Variants in ATXN1 observed in about 807,000 individuals in gnomAD.
ATXN1 encodes ataxin 1.
ATXN1 carries 8 observed loss-of-function variants against 56.4 expected under a neutral mutation model. That is an observed-to-expected ratio of 0.14 (90% CI 0.08 to 0.26). The LOEUF is 0.26. ATXN1 is among the 10% of genes least tolerant of loss of function. The probability of loss-of-function intolerance (pLI) is 1.00; values close to 1 mark genes in which losing one functional copy is unlikely to be tolerated. For missense variants in ATXN1, 987 were observed against 1,106.5 expected (o/e 0.89, Z 1.53); for synonymous variants, 514 against 494.6 (o/e 1.04, Z -0.52).
intron 6 of ATXN1, among the ~76,000 whole-genome samples, chr6:16,377,911 A>G (rs746093844): frequency 5.3e-5 from 8 of 152,256 alleles, no homozygotes; most frequent in Non-Finnish European, 1.0e-4. Flanking sequence ...GTTAGAACAG[A>G]GCATCATCAC....
At position 16,301,781 on chromosome 6, in the gene ATXN1, C is replaced by G. The variant is rs764385150; in HGVS notation, c.*4548G>C. ...AGTAGCCATGACAACCAACACAGCT[C>G]AAGAAGCCCGGCCTTCGGTACCGAG... On this transcript the variant is annotated 3_prime_UTR_variant, in exon 8 of 8. Transcript: ENST00000436367. 5 of 152,648 alleles carry G rather than the reference C, an allele frequency of 3.3e-5. No individual in the cohort carries two copies. The highest frequency in any genetic ancestry group is 7.3e-5 in the Non-Finnish European group (5 of 68,050). 9.5% of individuals were successfully genotyped at this position (152,648 alleles called of 1,614,324 possible). A position where few individuals can be genotyped will look rare whatever the true frequency, so the allele number is the denominator to read the frequency against.
In ATXN1 at chr6:16,506,999, C is replaced by T. The variant is rs768841104; in HGVS notation, c.-299+15628G>A. Among the ~76,000 whole-genome samples, 2 of 152,102 alleles carry T rather than the reference C, an allele frequency of 1.3e-5. No homozygotes were observed. The highest frequency in any genetic ancestry group is 2.4e-5 in the African/African-American group (1 of 41,420). The stretch of plus-strand genomic sequence containing the variant: ...GGTGACCAAAATACATATACTCCTC[C>T]GTGTTATATATTAAGGCTGCTTTTT... On this transcript the variant is annotated intron_variant, in intron 5 of 7. Coordinates refer to ENST00000436367, the MANE Select transcript of ATXN1 (RefSeq NM_001128164.2). The surrounding 1 kb of genome is among the most constrained non-coding windows in gnomAD (Gnocchi z 4.1).
chr6:16,654,309 G>A (rs9358102), intron 3 of ATXN1, among the ~76,000 whole-genome samples: 8,611 of 152,162 alleles, frequency 0.057, 291 homozygotes, highest in East Asian at 0.13. Flanking sequence ...ACTTTGGAAG[G>A]CCAAGGCAGA....
At chr6:16,676,732 C>T (rs1327607514) in intron 2 of ATXN1, among the ~76,000 whole-genome samples, 1 of 152,182 alleles carries the variant, frequency 6.6e-6, no homozygotes, top group Non-Finnish European at 1.5e-5. Flanking sequence ...CGGTTATGGA[C>T]TGCTTGTTGT....
intron 5 of ATXN1, among the ~76,000 whole-genome samples, chr6:16,490,179 C>T (rs1760633231): frequency 6.6e-6 from 1 of 150,712 alleles, no homozygotes; most frequent in South Asian, 2.1e-4. Flanking sequence ...AAAAACTTCA[C>T]ACACTATATT....
At chr6:16,330,464 G>C (rs560834832) in intron 6 of ATXN1, among the ~76,000 whole-genome samples, 29 of 134,220 alleles carry the variant, frequency 2.2e-4, no homozygotes, top group Non-Finnish European at 3.1e-5. Context: ...ATCTCGGCTT[G>C]CTGCAACCTG....
intron 2 of ATXN1, among the ~76,000 whole-genome samples, chr6:16,744,201 A>G (rs572056393): frequency 2.0e-4 from 30 of 152,168 alleles, no homozygotes; most frequent in South Asian, 1.9e-3. Flanking sequence ...AAAAAATTCA[A>G]TCCCTAGGAA....
chr6:16,673,020 CAAAAAA>C (rs559212594), intron 2 of ATXN1, among the ~76,000 whole-genome samples: 14 of 105,546 alleles, frequency 1.3e-4, no homozygotes, highest in African/African-American at 4.8e-4. Flanking sequence ...TCCCCCCCGC[CAAAAAA>C]AAAAAAAAAA....
intron 6 of ATXN1, among the ~76,000 whole-genome samples, chr6:16,358,583 C>T (rs1761739847): frequency 6.6e-6 from 1 of 152,240 alleles, no homozygotes; most frequent in Non-Finnish European, 1.5e-5. Context: ...ATGGCAGTGG[C>T]TGCTGCCATC....
rs370698828 is a variant in ATXN1, at chr6:16,526,064, T to TATATATATATATATACATACAC, written c.-360-3377_-360-3376insGTGTATGTATATATATATATAT. Among the ~76,000 whole-genome samples the TATATATATATATATACATACAC allele has an allele frequency of 5.3e-5, 7 of 133,312 alleles. No homozygotes were observed. The East Asian group carries it at 1.5e-3, about 28-fold the overall frequency. 87.5% of individuals were successfully genotyped at this position (133,312 alleles called of 152,430 possible). On this transcript the variant is annotated intron_variant, in intron 4 of 7. Coordinates refer to ENST00000436367, the MANE Select transcript of ATXN1 (RefSeq NM_001128164.2). ...ATCTATATATATATATATATATATA[T>TATATATATATATATACATACAC]ACATACATACAATCTATTTATAATG...
chr6:16,387,213 C>T (rs891716508), intron 6 of ATXN1, among the ~76,000 whole-genome samples: 1 of 152,154 alleles, frequency 6.6e-6, no homozygotes, highest in African/African-American at 2.4e-5. Context: ...TCTCAACTAA[C>T]CATGAGAACC....
At chr6:16,662,128 A>G (rs1281894278) in intron 2 of ATXN1, among the ~76,000 whole-genome samples, 3 of 152,230 alleles carry the variant, frequency 2.0e-5, no homozygotes, top group Non-Finnish European at 4.4e-5. Flanking sequence ...CCTGTTCAAC[A>G]GCACACATAC....
At chr6:16,487,277 G>GAAA (rs759545412) in intron 5 of ATXN1, among the ~76,000 whole-genome samples, 2 of 105,050 alleles carry the variant, frequency 1.9e-5, no homozygotes, top group African/African-American at 7.3e-5. Flanking sequence ...AGCATGCACA[G>GAAA]AAAAAACAGT....
In ATXN1 at chr6:16,327,235, C is replaced by T. The variant is rs1212521990; in HGVS notation, c.1076G>A (p.Arg359Lys). The T allele has an allele frequency of 3.7e-6, 6 of 1,613,460 alleles. No homozygotes were observed. The East Asian group carries it at 1.1e-4, about 30-fold the overall frequency. ...GGGGCTCGGGTGGACCACCACGTGC[C>T]TGGACTCGTACGGGTGAGGAACCGA... is the stretch of plus-strand genomic sequence containing the variant. ...GKSVPHPYESRHVVVHPSPSD... is the reference protein window; with the variant it reads ...GKSVPHPYESKHVVVHPSPSD... The change falls in exon 7 of 8, where the codon AGG becomes AAG. Residue 359 changes from arginine to lysine, a missense_variant. Arg to Lys is a conservative substitution (Grantham distance 26). Coordinates refer to ENST00000436367, the MANE Select transcript of ATXN1 (RefSeq NM_001128164.2).
At chr6:16,612,398 A>C (rs1763124891) in intron 3 of ATXN1, among the ~76,000 whole-genome samples, 1 of 152,232 alleles carries the variant, frequency 6.6e-6, no homozygotes, top group African/African-American at 2.4e-5. Flanking sequence ...TAAACAATTC[A>C]AATTAACTTG....
At chr6:16,386,860 C>T (rs559996104) in intron 6 of ATXN1, among the ~76,000 whole-genome samples, 3 of 152,166 alleles carry the variant, frequency 2.0e-5, no homozygotes, top group South Asian at 2.1e-4. Flanking sequence ...TTAAAGGAGA[C>T]GGGGTTTCAC....
chr6:16,309,703 C>T (rs1760343586), intron 7 of ATXN1, among the ~76,000 whole-genome samples: 2 of 152,144 alleles, frequency 1.3e-5, no homozygotes, highest in South Asian at 4.1e-4. Flanking sequence ...AAATCAAAGA[C>T]ATCTTGTAAA....
intron 6 of ATXN1, among the ~76,000 whole-genome samples, chr6:16,452,254 G>A (rs1242038695): frequency 1.3e-5 from 2 of 152,180 alleles, no homozygotes; most frequent in African/African-American, 4.8e-5. Context: ...AGTTCAGGGT[G>A]TATTGCTGGC....
Position 16,304,896 on chromosome 6 carries a change from A to ACTC in ATXN1, c.*1430_*1432dup, listed in dbSNP as rs1327115862. 1.3e-5 allele frequency: 2 copies of ACTC among 152,664 alleles called. No individual in the cohort carries two copies. The highest frequency in any genetic ancestry group is 6.5e-5 in the Admixed American group (1 of 15,280). The allele number at this position is 152,664 out of a possible 1,614,324, so 9.5% of individuals were successfully genotyped here. ...CCCTTTTCTCTCAGTTTCTCTGCCA[A>ACTC]CTCTGCATATGCCTTGAACTGATTC... On this transcript the variant is annotated 3_prime_UTR_variant, in exon 8 of 8. Coordinates refer to ENST00000436367, the MANE Select transcript of ATXN1 (RefSeq NM_001128164.2).
Sources: allele counts gnomAD v4.1 joint callset (sites outside exome capture counted in the v4.1 genomes callset), GRCh38; gene constraint gnomAD v4.1.1; non-coding constraint Gnocchi (gnomAD v3.1); transcripts MANE v1.5; gene names NCBI Gene and HGNC (gene_info 2026-07-23, HGNC 2026-07-21).